RBFOX1: variants seen among roughly 807,000 people sequenced by gnomAD.
RBFOX1 encodes RNA binding fox-1 homolog 1.
RBFOX1 carries 8 observed loss-of-function variants against 57.7 expected under a neutral mutation model. The observed-to-expected ratio is 0.14, with a 90% confidence interval of 0.08 to 0.25. RBFOX1 has a LOEUF of 0.25. Among genes scored for constraint, RBFOX1 ranks in the 10% least tolerant of loss-of-function variants. RBFOX1 has a pLI of 1.00. For synonymous variants in RBFOX1, 326 were observed against 222.4 expected, an observed-to-expected ratio of 1.47 and a Z score of -4.15; for missense variants, 611 against 548.5, an observed-to-expected ratio of 1.11 and a Z score of -1.14.
chr16:5,443,380 C>G (rs536230987), intron 1 of RBFOX1, among the ~76,000 whole-genome samples: 1 of 152,316 alleles, frequency 6.6e-6, no homozygotes, highest in African/African-American at 2.4e-5. Flanking sequence ...CTCTGTTACC[C>G]AGGCTGGAGT....
At chr16:7,564,391 A>C (rs112175574) in intron 5 of RBFOX1, among the ~76,000 whole-genome samples, 3,325 of 151,940 alleles carry the variant, frequency 0.022, 127 homozygotes, top group African/African-American at 0.076. Context: ...TACAAAAATT[A>C]GCTGGGCGTG....
chr16:6,930,954 C>A (rs1020520859), intron 3 of RBFOX1, among the ~76,000 whole-genome samples: 2 of 151,738 alleles, frequency 1.3e-5, no homozygotes, highest in African/African-American at 4.8e-5. Context: ...TATATAGTAT[C>A]CCACCCCCCT....
chr16:5,933,307 A>G (rs977140420), intron 4 of RBFOX1, among the ~76,000 whole-genome samples: 1 of 152,192 alleles, frequency 6.6e-6, no homozygotes, highest in Non-Finnish European at 1.5e-5. Context: ...AGGGGAGTCA[A>G]TTGATTACTA....
intron 3 of RBFOX1, among the ~76,000 whole-genome samples, chr16:6,666,196 C>G (rs140043767): frequency 0.019 from 2,822 of 152,266 alleles, 93 homozygotes; most frequent in African/African-American, 0.064. Flanking sequence ...TCAGGTACAT[C>G]TGTATCAGCA....
chr16:6,289,863 G>C lies in RBFOX1; in HGVS notation c.-126-27132G>C, dbSNP rs1001546752. Among the ~76,000 whole-genome samples, 3 of 152,172 alleles carry C rather than the reference G, an allele frequency of 2.0e-5. 1 individual carries two copies. Among genetic ancestry groups the C allele is most frequent in the Non-Finnish European group, 4.4e-5 (3 of 68,030 alleles). The stretch of plus-strand genomic sequence containing the variant: ...AATACAAAGAATCATCCCTCAGTAA[G>C]AGAATAATGATTTCATGAAGCAGTG... On this transcript the variant is annotated intron_variant, in intron 1 of 15. Transcript: ENST00000550418.
chr16:5,983,197 A>G (rs2060209062), intron 4 of RBFOX1, among the ~76,000 whole-genome samples: 2 of 152,188 alleles, frequency 1.3e-5, no homozygotes, highest in African/African-American at 4.8e-5. Context: ...CTGAGAGGCC[A>G]CGGGGAATTA....
chr16:7,570,532 G>A (rs886636246), intron 5 of RBFOX1, among the ~76,000 whole-genome samples: 1 of 152,150 alleles, frequency 6.6e-6, no homozygotes, highest in African/African-American at 2.4e-5. Context: ...TGAGATAGAA[G>A]TCATTTATCT....
intron 4 of RBFOX1, among the ~76,000 whole-genome samples, chr16:7,460,706 T>C (rs1012954247): frequency 7.3e-5 from 11 of 151,676 alleles, no homozygotes; most frequent in African/African-American, 2.7e-4. Flanking sequence ...ACATGTACCC[T>C]TGAACTTAAA....
At chr16:5,962,378 A>G (rs1463508299) in intron 4 of RBFOX1, among the ~76,000 whole-genome samples, 1 of 152,172 alleles carries the variant, frequency 6.6e-6, no homozygotes, top group Non-Finnish European at 1.5e-5. Context: ...CAGTCCCTAG[A>G]TATGAAGCAC....
At chr16:6,843,779 C>G (rs1270080792) in intron 3 of RBFOX1, among the ~76,000 whole-genome samples, 1 of 152,186 alleles carries the variant, frequency 6.6e-6, no homozygotes, top group Non-Finnish European at 1.5e-5. Flanking sequence ...GTATCCTTCA[C>G]TATTCTGTTC....
At chr16:6,759,066 G>T (rs1287884228) in intron 3 of RBFOX1, among the ~76,000 whole-genome samples, 1 of 151,980 alleles carries the variant, frequency 6.6e-6, no homozygotes, top group African/African-American at 2.4e-5. Context: ...TTCCCGTTAT[G>T]AAACAGAAAA....
chr16:7,045,999 C>G (rs770505203), intron 3 of RBFOX1, among the ~76,000 whole-genome samples: 1 of 152,120 alleles, frequency 6.6e-6, no homozygotes, highest in Non-Finnish European at 1.5e-5. Flanking sequence ...AATGCTATCA[C>G]TATTACTATA....
At chr16:7,565,781 T>C (rs977953520) in intron 5 of RBFOX1, among the ~76,000 whole-genome samples, 1 of 152,140 alleles carries the variant, frequency 6.6e-6, no homozygotes, top group Non-Finnish European at 1.5e-5. Context: ...ACACTTTTTA[T>C]TTATCACTGT....
At chr16:6,048,249 G>C (rs1243244240) in intron 1 of RBFOX1, among the ~76,000 whole-genome samples, 3 of 152,212 alleles carry the variant, frequency 2.0e-5, no homozygotes, top group Non-Finnish European at 4.4e-5. Flanking sequence ...TTGGCTGAGC[G>C]ATAGGATTTG....
At chr16:6,820,214 G>C (rs960988961) in intron 3 of RBFOX1, among the ~76,000 whole-genome samples, 1 of 152,124 alleles carries the variant, frequency 6.6e-6, no homozygotes, top group Non-Finnish European at 1.5e-5. Context: ...GGCCTCCCCA[G>C]CCATGTGCAA....
intron 2 of RBFOX1, among the ~76,000 whole-genome samples, chr16:5,491,062 A>T (rs890272571): frequency 6.6e-6 from 1 of 152,192 alleles, no homozygotes; most frequent in East Asian, 1.9e-4. Flanking sequence ...ATCAAATTCC[A>T]TATATCAGGT....
intron 13 of RBFOX1, 61 bp downstream of exon 13, chr16:7,665,029 G>C: frequency 1.9e-6 from 3 of 1,613,662 alleles, no homozygotes; most frequent in South Asian, 2.2e-5. Context: ...CTTTTTACAA[G>C]TTTGCTGTGA....
chr16:7,621,097 G>C (rs960475739), intron 10 of RBFOX1, among the ~76,000 whole-genome samples: 1 of 152,122 alleles, frequency 6.6e-6, no homozygotes. Flanking sequence ...AGGGGATTCA[G>C]AGCATAGTAG....
At chr16:6,239,192 T>G (rs1425290329) in intron 1 of RBFOX1, among the ~76,000 whole-genome samples, 1 of 152,152 alleles carries the variant, frequency 6.6e-6, no homozygotes, top group East Asian at 1.9e-4. Flanking sequence ...TATGAATGAA[T>G]GAATAGCCCT....
Sources: allele counts gnomAD v4.1 joint callset (sites outside exome capture counted in the v4.1 genomes callset), GRCh38; gene constraint gnomAD v4.1.1; transcripts MANE v1.5; gene names NCBI Gene and HGNC (gene_info 2026-07-23, HGNC 2026-07-21).